Variants in TAFA2 observed in about 807,000 individuals in gnomAD.
TAFA2 encodes the protein TAFA chemokine like family member 2.
Under a neutral mutation model 18.8 loss-of-function variants are expected in TAFA2, and 7 were observed. That is an observed-to-expected ratio of 0.37 (90% CI 0.21 to 0.70). TAFA2 has a LOEUF of 0.70. TAFA2 is among the 30% of genes least tolerant of loss of function. The pLI is 0.53. For synonymous variants in TAFA2, 60 were observed against 54.2 expected, an observed-to-expected ratio of 1.11 and a Z score of -0.47; for missense variants, 122 against 158.1, an observed-to-expected ratio of 0.77 and a Z score of 1.23.
chr12:61,932,381 T>C (rs1877593160), intron 1 of TAFA2, among the ~76,000 whole-genome samples: 1 of 152,104 alleles, frequency 6.6e-6, no homozygotes, highest in South Asian at 2.1e-4. Context: ...AGAAAAGAAA[T>C]CACTCGAGAA....
upstream of TAFA2, among the ~76,000 whole-genome samples, chr12:62,259,318 A>C (rs1253089212): frequency 2.6e-5 from 4 of 152,346 alleles, no homozygotes; most frequent in African/African-American, 9.6e-5. Flanking sequence ...CATGTCCATC[A>C]GTACTGTGCT....
intron 2 of TAFA2, among the ~76,000 whole-genome samples, chr12:61,756,059 A>G (rs1218077887): frequency 1.3e-5 from 2 of 152,094 alleles, no homozygotes; most frequent in Non-Finnish European, 2.9e-5. Context: ...CCCATTGCAA[A>G]TGAGATCGGC....
At chr12:62,112,907 T>G (rs531822079) in intron 1 of TAFA2, among the ~76,000 whole-genome samples, 2 of 152,138 alleles carry the variant, frequency 1.3e-5, no homozygotes, top group Non-Finnish European at 2.9e-5. Flanking sequence ...GTTCTTAGCT[T>G]CCTTGCACTG....
At chr12:62,129,445 A>G (rs1870594167) in intron 1 of TAFA2, among the ~76,000 whole-genome samples, 1 of 151,980 alleles carries the variant, frequency 6.6e-6, no homozygotes, top group South Asian at 2.1e-4. Context: ...TAACTATACC[A>G]CAGCATAACG....
At chr12:62,089,610 G>A (rs986049198) in intron 1 of TAFA2, among the ~76,000 whole-genome samples, 2 of 152,022 alleles carry the variant, frequency 1.3e-5, no homozygotes, top group Admixed American at 6.6e-5. Flanking sequence ...GGGAGACAGA[G>A]AGAGATACAG....
intron 1 of TAFA2, among the ~76,000 whole-genome samples, chr12:62,169,266 C>T (rs1592379168): frequency 6.6e-6 from 1 of 152,034 alleles, no homozygotes; most frequent in East Asian, 1.9e-4. Flanking sequence ...GGTGATCTGG[C>T]CAATACCACA....
rs1170456896 is a variant in TAFA2 at position 62,010,792 on chromosome 12, C to T, written c.-1-143366G>A. On this transcript the variant is annotated intron_variant, in intron 1 of 4. Coordinates refer to ENST00000416284, the MANE Select transcript of TAFA2 (RefSeq NM_178539.5). ...CTGGGAGGTGAGGGGCGCCTCTGCC[C>T]GGCCACCCTTCATCTGGGAGGTGGG... Among the ~76,000 whole-genome samples, 14 of 148,818 alleles carry T rather than the reference C, an allele frequency of 9.4e-5. No homozygotes were observed. In the East Asian group the frequency reaches 1.0e-3, roughly 11 times the overall value.
chr12:62,018,620 T>C (rs991170401), intron 1 of TAFA2, among the ~76,000 whole-genome samples: 2 of 152,110 alleles, frequency 1.3e-5, no homozygotes, highest in African/African-American at 4.8e-5. Flanking sequence ...TGGCTAGCCA[T>C]ATGGAGAAAG....
chr12:61,756,098 T>C (rs1434950618), intron 2 of TAFA2, among the ~76,000 whole-genome samples: 2 of 152,044 alleles, frequency 1.3e-5, no homozygotes, highest in Non-Finnish European at 2.9e-5. Flanking sequence ...AATCTTCCCA[T>C]TGAAGATGAG....
At chr12:61,759,351 T>C (rs1312852365) in intron 2 of TAFA2, among the ~76,000 whole-genome samples, 3 of 151,916 alleles carry the variant, frequency 2.0e-5, no homozygotes, top group Non-Finnish European at 4.4e-5. Context: ...GAAATGAAAG[T>C]TAAAGTAATA....
chr12:62,073,206 G>A (rs926615012), intron 1 of TAFA2, among the ~76,000 whole-genome samples: 3 of 152,138 alleles, frequency 2.0e-5, no homozygotes, highest in African/African-American at 4.8e-5. Flanking sequence ...AACATCCTAC[G>A]GATATCCTAA....
intron 4 of TAFA2, among the ~76,000 whole-genome samples, chr12:61,725,103 C>A (rs1870098366): frequency 6.6e-6 from 1 of 151,632 alleles, no homozygotes; most frequent in Non-Finnish European, 1.5e-5. Context: ...TCTTTTTTAT[C>A]TATTTATGTC....
intron 1 of TAFA2, among the ~76,000 whole-genome samples, chr12:62,168,942 C>G (rs1361960751): frequency 4.2e-5 from 4 of 95,890 alleles, no homozygotes; most frequent in Non-Finnish European, 8.4e-5. Context: ...CTCACTCACT[C>G]TCTACACACA....
intron 1 of TAFA2, among the ~76,000 whole-genome samples, chr12:61,960,459 A>T (rs1878844489): frequency 1.3e-5 from 2 of 152,058 alleles, no homozygotes. Flanking sequence ...CACAGAGTTT[A>T]ACTATTTACT....
chr12:61,882,409 T>C (rs544369940), intron 1 of TAFA2, among the ~76,000 whole-genome samples: 2 of 152,176 alleles, frequency 1.3e-5, no homozygotes, highest in South Asian at 2.1e-4. Context: ...TCTCAGTTGA[T>C]TGGGGGGAAA....
intron 4 of TAFA2, among the ~76,000 whole-genome samples, chr12:61,729,216 CT>C (rs1474973218): frequency 6.6e-5 from 10 of 152,038 alleles, no homozygotes. Context: ...AGGCAATAAT[CT>C]TTTTGCTATG....
intron 2 of TAFA2, among the ~76,000 whole-genome samples, chr12:61,845,477 C>T (rs1362946967): frequency 6.6e-6 from 1 of 152,184 alleles, no homozygotes; most frequent in African/African-American, 2.4e-5. Context: ...GGACAAGTGA[C>T]ACAGTTACCT....
chr12:61,904,311 G>A (rs1876243914), intron 1 of TAFA2, among the ~76,000 whole-genome samples: 1 of 152,016 alleles, frequency 6.6e-6, no homozygotes, highest in South Asian at 2.1e-4. Context: ...TTCCCTAGTG[G>A]TACAAACTCC....
chr12:61,874,374 C>A (rs1041712842), intron 1 of TAFA2, among the ~76,000 whole-genome samples: 2 of 152,132 alleles, frequency 1.3e-5, no homozygotes, highest in African/African-American at 4.8e-5. Flanking sequence ...ATGAATCCAG[C>A]TCTTAATTCT....
Sources: gnomAD v4.1 joint callset for allele counts (sites outside exome capture counted in the v4.1 genomes callset) on GRCh38, gnomAD v4.1.1 for gene constraint, MANE v1.5 for transcripts, NCBI Gene and HGNC (gene_info 2026-07-23, HGNC 2026-07-21) for gene names.